NOX4: variants seen among roughly 807,000 people sequenced by gnomAD.
NOX4 encodes kidney oxidase-1.
NOX4 carries 69 observed loss-of-function variants against 87.6 expected under a neutral mutation model. The ratio of observed to expected loss-of-function variants is 0.79; its 90% CI spans 0.65 to 0.96. The LOEUF (loss-of-function observed/expected upper bound fraction) is 0.96, where lower values mean the gene tolerates loss of function less well. Ranked by LOEUF, NOX4 falls within the 40% of genes least tolerant of loss-of-function variation. The pLI is 0.00. For missense variants in NOX4, 680 were observed against 681.5 expected, an observed-to-expected ratio of 1.00 and a Z score of 0.02; for synonymous variants, 275 against 238.2, an observed-to-expected ratio of 1.15 and a Z score of -1.42.
intron 8 of NOX4, among the ~76,000 whole-genome samples, chr11:89,407,527 A>G (rs1037969649): frequency 6.6e-6 from 1 of 152,104 alleles, no homozygotes; most frequent in African/African-American, 2.4e-5. Context: ...TCTGCATTCA[A>G]AAGGATCTTA....
intron 2 of NOX4, among the ~76,000 whole-genome samples, chr11:89,467,850 T>C (rs1322729760): frequency 6.6e-6 from 1 of 152,192 alleles, no homozygotes; most frequent in Non-Finnish European, 1.5e-5. Flanking sequence ...CAATGAAGTG[T>C]GGACAACAGA....
At chr11:89,418,457 A>ATAG (rs1162960376) in intron 8 of NOX4, among the ~76,000 whole-genome samples, 1 of 142,408 alleles carries the variant, frequency 7.0e-6, no homozygotes, top group Non-Finnish European at 1.5e-5. Flanking sequence ...AATAATAATA[A>ATAG]TAATAAATTT....
At position 89,335,938 on chromosome 11, in the gene NOX4, A is replaced by G. The variant is rs1945693470; in HGVS notation, c.1523T>C (p.Ile508Thr). The G allele has an allele frequency of 1.3e-6, 2 of 1,588,260 alleles. No individual in the cohort carries two copies. Among genetic ancestry groups the G allele is most frequent in the South Asian group, 1.2e-5 (1 of 86,234 alleles). The change falls in exon 17 of 18, where the codon ATT becomes ACT. Residue 508 changes from isoleucine to threonine, a missense_variant. Transcript: ENST00000263317. ...LSQTDGIQKI[I>T]GEKYHALNSR... ...ATTCAGTGCATGATATTTTTCTCCA[A>G]TTATCTTCTGCCAAAAAGAAAGCAC...
chr11:89,566,617 A>T, the NOX4 span, among the ~76,000 whole-genome samples: 1 of 152,164 alleles, frequency 6.6e-6, no homozygotes, highest in Non-Finnish European at 1.5e-5. Context: ...AGGAGCCAAG[A>T]TGGCTAGCTA....
chr11:89,481,072 T>A (rs965422195), intron 2 of NOX4, among the ~76,000 whole-genome samples: 16 of 151,970 alleles, frequency 1.1e-4, no homozygotes, highest in Admixed American at 4.6e-4. Flanking sequence ...ATGTTCCTAC[T>A]GACGAGCAAA....
intron 17 of NOX4, among the ~76,000 whole-genome samples, chr11:89,328,690 G>A (rs71469257): frequency 0.14 from 21,161 of 152,012 alleles, 1,620 homozygotes; most frequent in African/African-American, 0.19. Context: ...TCCAAAGCCC[G>A]TAGGTTGAAG....
the NOX4 span, among the ~76,000 whole-genome samples, chr11:89,511,514 G>C: frequency 2.0e-5 from 3 of 151,670 alleles, no homozygotes; most frequent in African/African-American, 7.3e-5. Context: ...TTACTGGTGG[G>C]GTATTACATA....
At chr11:89,568,746 T>G in the NOX4 span, among the ~76,000 whole-genome samples, 1 of 152,024 alleles carries the variant, frequency 6.6e-6, no homozygotes, top group African/African-American at 2.4e-5. Context: ...CAAAAAGAAC[T>G]AAGCCAGAGG....
chr11:89,489,727 C>CAA (rs35606793), intron 2 of NOX4, among the ~76,000 whole-genome samples: 3,625 of 118,250 alleles, frequency 0.031, 80 homozygotes, highest in Middle Eastern at 0.063. Flanking sequence ...GACTCTGTCT[C>CAA]AAAAAAAAAA....
intron 11 of NOX4, among the ~76,000 whole-genome samples, chr11:89,381,900 G>T (rs1352149054): frequency 6.6e-6 from 1 of 152,064 alleles, no homozygotes; most frequent in African/African-American, 2.4e-5. Context: ...TGCCACCCTT[G>T]GGTCTCTCTC....
chr11:89,387,235 G>A (rs1243668644), intron 11 of NOX4, among the ~76,000 whole-genome samples: 1 of 151,978 alleles, frequency 6.6e-6, no homozygotes, highest in African/African-American at 2.4e-5. Flanking sequence ...ACATCCAGAT[G>A]GCCTGAAGTA....
At chr11:89,455,090 G>A (rs1212593093) in intron 2 of NOX4, among the ~76,000 whole-genome samples, 2 of 152,098 alleles carry the variant, frequency 1.3e-5, no homozygotes, top group African/African-American at 4.8e-5. Flanking sequence ...TTAGTTGCCA[G>A]TAAAGTATGT....
intron 12 of NOX4, among the ~76,000 whole-genome samples, chr11:89,367,882 G>A (rs557352837): frequency 9.9e-5 from 15 of 152,066 alleles, no homozygotes; most frequent in African/African-American, 3.6e-4. Flanking sequence ...TTCCAAGCTA[G>A]TTCACCCTTC....
intron 11 of NOX4, among the ~76,000 whole-genome samples, chr11:89,387,714 T>A (rs138914967): frequency 6.6e-6 from 1 of 152,198 alleles, no homozygotes. Context: ...CAGCTAAATA[T>A]GAAAAGATGC....
intron 12 of NOX4, among the ~76,000 whole-genome samples, chr11:89,364,996 C>T (rs919737916): frequency 6.6e-6 from 1 of 152,082 alleles, no homozygotes; most frequent in Non-Finnish European, 1.5e-5. Flanking sequence ...CTTTCCACTG[C>T]CGTCATACTG....
chr11:89,419,599 A>G (rs1480493761), intron 8 of NOX4, among the ~76,000 whole-genome samples: 2 of 151,914 alleles, frequency 1.3e-5, no homozygotes, highest in Non-Finnish European at 2.9e-5. Flanking sequence ...ATTTCTACCT[A>G]TAATGAATAA....
At chr11:89,436,388 G>A (rs1300834128) in intron 6 of NOX4, among the ~76,000 whole-genome samples, 1 of 152,128 alleles carries the variant, frequency 6.6e-6, no homozygotes, top group Non-Finnish European at 1.5e-5. Flanking sequence ...AAATCACTGG[G>A]CTAGTCTAAT....
At chr11:89,462,556 A>T (rs1945517707) in intron 2 of NOX4, among the ~76,000 whole-genome samples, 1 of 152,106 alleles carries the variant, frequency 6.6e-6, no homozygotes, top group Non-Finnish European at 1.5e-5. Flanking sequence ...ACAACTATAT[A>T]AGTATCAATT....
chr11:89,566,362 A>G, the NOX4 span, among the ~76,000 whole-genome samples: 1 of 152,048 alleles, frequency 6.6e-6, no homozygotes, highest in African/African-American at 2.4e-5. Flanking sequence ...TTCTTTCCAC[A>G]TAATATACTT....
Sources: gnomAD v4.1 joint callset for allele counts (sites outside exome capture counted in the v4.1 genomes callset) on GRCh38, gnomAD v4.1.1 for gene constraint, MANE v1.5 for transcripts, NCBI Gene and HGNC (gene_info 2026-07-23, HGNC 2026-07-21) for gene names.